Variants in TENM3 observed in about 807,000 individuals in gnomAD.
TENM3 encodes the protein teneurin-3.
Under a neutral mutation model 255.1 loss-of-function variants are expected in TENM3, and 63 were observed. The ratio of observed to expected loss-of-function variants is 0.25; its 90% CI spans 0.20 to 0.30. The LOEUF (loss-of-function observed/expected upper bound fraction) is 0.30, where lower values mean the gene tolerates loss of function less well. TENM3 is among the 10% of genes least tolerant of loss of function. TENM3 has a pLI of 1.00. For missense variants in TENM3, 2,929 were observed against 3,461.1 expected, an observed-to-expected ratio of 0.85 and a Z score of 3.86; for synonymous variants, 1,306 against 1,322.3, an observed-to-expected ratio of 0.99 and a Z score of 0.27.
At chr4:181,623,568 C>T in the TENM3 span, among the ~76,000 whole-genome samples, 3 of 152,324 alleles carry the variant, frequency 2.0e-5, no homozygotes, top group Non-Finnish European at 2.9e-5. Flanking sequence ...TCATGAAACT[C>T]GGCCTCTTTA....
intron 3 of TENM3, among the ~76,000 whole-genome samples, chr4:182,450,645 A>G (rs1201114740): frequency 2.0e-5 from 3 of 152,222 alleles, no homozygotes; most frequent in Non-Finnish European, 2.9e-5. Flanking sequence ...ATATGAATGC[A>G]GGTGGTTCAC....
chr4:181,528,537 C>T, the TENM3 span, among the ~76,000 whole-genome samples: 2 of 152,212 alleles, frequency 1.3e-5, no homozygotes, highest in Middle Eastern at 3.2e-3. Flanking sequence ...ATAGCTAAGA[C>T]TTGTTGCCTT....
At chr4:182,190,702 C>T (rs1753463955) in intron 1 of TENM3, among the ~76,000 whole-genome samples, 1 of 151,948 alleles carries the variant, frequency 6.6e-6, no homozygotes, top group Admixed American at 6.6e-5. Context: ...TACTAAATAA[C>T]ATTTTTTATT....
the TENM3 span, among the ~76,000 whole-genome samples, chr4:181,711,851 G>A: frequency 6.6e-6 from 1 of 152,130 alleles, no homozygotes; most frequent in African/African-American, 2.4e-5. Context: ...TGCAGGATGG[G>A]TGGGTAATGA....
the TENM3 span, among the ~76,000 whole-genome samples, chr4:182,061,802 A>C: frequency 7.2e-5 from 11 of 152,020 alleles, no homozygotes; most frequent in Non-Finnish European, 1.5e-4. Context: ...CTACAAAAAA[A>C]AAATTAAAAA....
intron 12 of TENM3, chr4:182,698,177 G>T (rs1048849145): frequency 6.6e-6 from 1 of 152,102 alleles, no homozygotes; most frequent in Non-Finnish European, 1.5e-5. Flanking sequence ...AAATTTAGTG[G>T]CCTAAATTTG....
At chr4:182,266,743 A>G (rs953761835) in intron 1 of TENM3, among the ~76,000 whole-genome samples, 19 of 152,190 alleles carry the variant, frequency 1.2e-4, no homozygotes, top group African/African-American at 4.6e-4. Flanking sequence ...GCATAAATGT[A>G]TTATTGGCAT....
chr4:182,688,247 C>T lies in TENM3; in HGVS notation c.2117C>T (p.Ala706Val), dbSNP rs1756743286. 1 of 1,613,928 alleles carries T rather than the reference C, an allele frequency of 6.2e-7. No individual in the cohort carries two copies. The highest frequency in any genetic ancestry group is 1.7e-5 in the Admixed American group (1 of 60,016). The change falls in exon 12 of 28, where the codon GCC becomes GTC. Residue 706 changes from alanine to valine, a missense_variant. Coordinates refer to ENST00000511685, the MANE Select transcript of TENM3 (RefSeq NM_001080477.4). ...TGTGAAGAAGGCTGGACGGGCCCAG[C>T]CTGTAATCAGAGAGCCTGCCACCCC... ...CRCEEGWTGP[A>V]CNQRACHPRC...
chr4:182,011,261 C>T, the TENM3 span, among the ~76,000 whole-genome samples: 1 of 152,198 alleles, frequency 6.6e-6, no homozygotes, highest in Admixed American at 6.5e-5. Context: ...TCCAATTTTC[C>T]CTACCTTACT....
chr4:182,011,663 C>A, the TENM3 span, among the ~76,000 whole-genome samples: 340 of 152,296 alleles, frequency 2.2e-3, 1 homozygote, highest in African/African-American at 7.8e-3. Context: ...CTGGCTCCTG[C>A]CTTCCAATTA....
intron 3 of TENM3, among the ~76,000 whole-genome samples, chr4:182,501,614 C>T (rs1329945730): frequency 1.3e-5 from 2 of 152,078 alleles, no homozygotes; most frequent in Admixed American, 6.5e-5. Context: ...AACTACTCAG[C>T]AATTTTAGCT....
At chr4:182,457,526 C>A (rs1406873587) in intron 3 of TENM3, among the ~76,000 whole-genome samples, 3 of 149,810 alleles carry the variant, frequency 2.0e-5, no homozygotes, top group Non-Finnish European at 4.4e-5. Flanking sequence ...GAGGTTTGAA[C>A]CCAGACATGC....
chr4:182,651,848 A>G (rs574688814), intron 5 of TENM3, among the ~76,000 whole-genome samples: 14 of 152,324 alleles, frequency 9.2e-5, no homozygotes, highest in African/African-American at 3.4e-4. Context: ...GCATGCTTTT[A>G]TATCAGGTAT....
chr4:182,768,122 A>T (rs1472244509), intron 22 of TENM3, among the ~76,000 whole-genome samples: 1 of 152,166 alleles, frequency 6.6e-6, no homozygotes, highest in East Asian at 1.9e-4. Flanking sequence ...TCACTCCGCA[A>T]AAGAGCCCAC....
the TENM3 span, among the ~76,000 whole-genome samples, chr4:181,844,548 G>T: frequency 3.3e-5 from 5 of 151,822 alleles, no homozygotes; most frequent in Non-Finnish European, 7.4e-5. Flanking sequence ...GGCGCCTGTA[G>T]TCCCAGCTAC....
chr4:182,433,286 G>A (rs11132124), intron 3 of TENM3, among the ~76,000 whole-genome samples: 91,648 of 151,920 alleles, frequency 0.6, 28,030 homozygotes, highest in East Asian at 0.77. Flanking sequence ...ATTCATGGAC[G>A]CAGGGAATGC....
the TENM3 span, among the ~76,000 whole-genome samples, chr4:181,923,901 T>A: frequency 6.6e-6 from 1 of 152,192 alleles, no homozygotes; most frequent in South Asian, 2.1e-4. Flanking sequence ...TTGTTGTACC[T>A]AGTTGTACAT....
chr4:181,607,285 A>G, the TENM3 span, among the ~76,000 whole-genome samples: 1 of 152,356 alleles, frequency 6.6e-6, no homozygotes, highest in Admixed American at 6.5e-5. Flanking sequence ...TCATGGTGAT[A>G]GTCTATGTCA....
In TENM3 at chr4:182,800,253, G is replaced by A. The variant is rs189637395; in HGVS notation, c.8002G>A (p.Asp2668Asn). 6.3e-7 allele frequency: 1 copy of A among 1,594,294 alleles called. No homozygotes were observed. Among genetic ancestry groups the A allele is most frequent in the African/African-American group, 1.3e-5 (1 of 74,916 alleles). ...GAGCGCCGGCAAGGTGCAGGGCTAC[G>A]ACGGGTACTACGTACTCTCGGTGGA... ...LLSAGKVQGY[D>N]GYYVLSVEQY... The change falls in exon 28 of 28, where the codon GAC becomes AAC. Residue 2668 changes from aspartate (D) to asparagine (N), a missense_variant. Asp to Asn is a conservative substitution (Grantham distance 23). Around this residue, in one of 6 missense-constraint regions of TENM3, gnomAD observed 476 missense variants for 480.1 expected, o/e 0.99. Transcript: ENST00000511685.
Sources: allele counts gnomAD v4.1 joint callset (sites outside exome capture counted in the v4.1 genomes callset), GRCh38; gene constraint gnomAD v4.1.1; regional missense constraint gnomAD v4.1.1; transcripts MANE v1.5; gene names NCBI Gene and HGNC (gene_info 2026-07-23, HGNC 2026-07-21).